Variants in POU2AF2 observed in about 807,000 individuals in gnomAD.
POU2AF2 encodes POU domain class 2-associating factor 2.
At chr11:111,257,216 A>T in the POU2AF2 span, among the ~76,000 whole-genome samples, 1 of 152,234 alleles carries the variant, frequency 6.6e-6, no homozygotes, top group Non-Finnish European at 1.5e-5. Flanking sequence ...GATACGCAGC[A>T]GGTACTGGTT....
chr11:111,261,889 G>A, the POU2AF2 span, among the ~76,000 whole-genome samples: 1 of 152,188 alleles, frequency 6.6e-6, no homozygotes, highest in African/African-American at 2.4e-5. Flanking sequence ...TGAGTAAAAT[G>A]TTAAAGAGAA....
chr11:111,276,453 A>AATATATAGATATATATAT, the POU2AF2 span, among the ~76,000 whole-genome samples: 3 of 37,676 alleles, frequency 8.0e-5, no homozygotes, highest in South Asian at 1.1e-3. Flanking sequence ...AAAAAAAAAA[A>AATATATAGATATATATAT]ATATATATAT....
chr11:111,276,450 AAAAATATATATAT>A, the POU2AF2 span, among the ~76,000 whole-genome samples: 462 of 43,616 alleles, frequency 0.011, 16 homozygotes, highest in South Asian at 0.031. Context: ...AAAAAAAAAA[AAAAATATATATAT>A]ATATATATAT....
At chr11:111,263,740 T>A in the POU2AF2 span, among the ~76,000 whole-genome samples, 1 of 152,174 alleles carries the variant, frequency 6.6e-6, no homozygotes, top group Non-Finnish European at 1.5e-5. Flanking sequence ...CTGAAGTTCA[T>A]ATTCTAAGAC....
the POU2AF2 span, chr11:111,281,456 C>T: frequency 6.2e-7 from 1 of 1,612,450 alleles, no homozygotes; most frequent in Admixed American, 1.7e-5. Context: ...TACTTTAATT[C>T]AATAAGCAAT....
At chr11:111,272,350 G>A in the POU2AF2 span, among the ~76,000 whole-genome samples, 1 of 151,952 alleles carries the variant, frequency 6.6e-6, no homozygotes, top group Admixed American at 6.6e-5. Flanking sequence ...ATGTCACTTA[G>A]CAGCTTTGTG....
the POU2AF2 span, among the ~76,000 whole-genome samples, chr11:111,275,680 A>C: frequency 6.6e-6 from 1 of 152,222 alleles, no homozygotes; most frequent in Non-Finnish European, 1.5e-5. Context: ...GTCCACATGA[A>C]CAATAGACAA....
chr11:111,276,453 A>AAATTATAT, the POU2AF2 span, among the ~76,000 whole-genome samples: 1 of 37,692 alleles, frequency 2.7e-5, no homozygotes, highest in Non-Finnish European at 5.0e-5. Flanking sequence ...AAAAAAAAAA[A>AAATTATAT]ATATATATAT....
chr11:111,285,761 G>A, the POU2AF2 span: 1 of 1,613,050 alleles, frequency 6.2e-7, no homozygotes, highest in Admixed American at 1.7e-5. Context: ...CTCCCAGCTT[G>A]AGTCCGGGAG....
the POU2AF2 span, chr11:111,281,465 A>G: frequency 6.2e-7 from 1 of 1,611,326 alleles, no homozygotes; most frequent in Non-Finnish European, 8.5e-7. Context: ...TCAATAAGCA[A>G]TTATTCCCTT....
At chr11:111,276,653 G>A in the POU2AF2 span, among the ~76,000 whole-genome samples, 11 of 126,362 alleles carry the variant, frequency 8.7e-5, no homozygotes, top group African/African-American at 1.2e-4. Context: ...AAAAAAAAAA[G>A]AAAAAAAAAG....
At chr11:111,286,241 T>A in the POU2AF2 span, 1 of 615,872 alleles carries the variant, frequency 1.6e-6, no homozygotes, top group Non-Finnish European at 2.6e-6. Context: ...AACAGAATGT[T>A]AATTAAATGT....
At chr11:111,269,343 C>T in the POU2AF2 span, among the ~76,000 whole-genome samples, 8 of 152,164 alleles carry the variant, frequency 5.3e-5, no homozygotes, top group East Asian at 1.9e-4. Flanking sequence ...TATTGTCTGA[C>T]TTTAATTAGC....
At chr11:111,257,210 C>T in the POU2AF2 span, among the ~76,000 whole-genome samples, 1 of 152,204 alleles carries the variant, frequency 6.6e-6, no homozygotes, top group Non-Finnish European at 1.5e-5. Context: ...GGGGCTGATA[C>T]GCAGCAGGTA....
chr11:111,249,553 C>A, the POU2AF2 span, among the ~76,000 whole-genome samples: 3 of 152,158 alleles, frequency 2.0e-5, no homozygotes, highest in African/African-American at 7.2e-5. Context: ...CCATGAAACC[C>A]CAGAGAAAGA....
chr11:111,285,344 A>G, the POU2AF2 span, among the ~76,000 whole-genome samples: 2 of 152,366 alleles, frequency 1.3e-5, no homozygotes, highest in Non-Finnish European at 2.9e-5. Flanking sequence ...AATCCAAGAC[A>G]GAGTGCATTG....
At chr11:111,281,473 C>A in the POU2AF2 span, 1 of 1,608,544 alleles carries the variant, frequency 6.2e-7, no homozygotes, top group Non-Finnish European at 8.5e-7. Flanking sequence ...CAATTATTCC[C>A]TTTTGAATTT....
At chr11:111,279,519 G>A in the POU2AF2 span, among the ~76,000 whole-genome samples, 21 of 152,252 alleles carry the variant, frequency 1.4e-4, no homozygotes, top group South Asian at 2.5e-3. Context: ...GGTGATCCTC[G>A]ATGTTCCTTG....
the POU2AF2 span, among the ~76,000 whole-genome samples, chr11:111,276,453 A>AAATATATATATAT: frequency 5.4e-3 from 200 of 37,276 alleles, 3 homozygotes; most frequent in Non-Finnish European, 6.9e-3. Flanking sequence ...AAAAAAAAAA[A>AAATATATATATAT]ATATATATAT....
Sources: allele counts gnomAD v4.1 joint callset (sites outside exome capture counted in the v4.1 genomes callset), GRCh38; gene constraint gnomAD v4.1.1; transcripts MANE v1.5; gene names NCBI Gene and HGNC (gene_info 2026-07-23, HGNC 2026-07-21).